RAB6A: variants seen among roughly 807,000 people sequenced by gnomAD.
The protein encoded by RAB6A is ras-related protein Rab-6A.
RAB6A carries 8 observed loss-of-function variants against 32.3 expected under a neutral mutation model. The observed-to-expected ratio is 0.25, with a 90% CI of 0.15 to 0.45. The LOEUF (loss-of-function observed/expected upper bound fraction) is 0.45. Among genes scored for constraint, RAB6A ranks in the 20% least tolerant of loss-of-function variants. RAB6A has a pLI of 1.00. For synonymous variants in RAB6A, 73 were observed against 82.1 expected (o/e 0.89, Z 0.60); for missense variants, 104 against 249.4 (o/e 0.42, Z 3.93).
intron 2 of RAB6A, among the ~76,000 whole-genome samples, chr11:73,724,487 T>G (rs1334214276): frequency 2.0e-5 from 3 of 148,530 alleles, no homozygotes; most frequent in Non-Finnish European, 3.0e-5. Flanking sequence ...GCATTTCGTT[T>G]TTTTTTTTTT....
At position 73,736,609 on chromosome 11, in the gene RAB6A, T is replaced by C. The variant is rs558022132; in HGVS notation, c.71-5786A>G. The stretch of plus-strand genomic sequence containing the variant: ...GAGTTTGAGACCAGCCTGGCCAGCA[T>C]GGTGAAATTCTGTCTGTACTAAAAA... On this transcript the variant is annotated intron_variant, in intron 1 of 7. Coordinates refer to ENST00000336083, the MANE Select transcript of RAB6A (RefSeq NM_198896.2). 5.9e-5 allele frequency among the ~76,000 whole-genome samples: 9 copies of C among 151,524 alleles called. No homozygotes were observed. In the East Asian group the frequency reaches 1.8e-3, roughly 30 times the overall value.
chr11:73,681,035 A>C (rs1945348528), intron 6 of RAB6A, among the ~76,000 whole-genome samples: 1 of 152,176 alleles, frequency 6.6e-6, no homozygotes, highest in Admixed American at 6.5e-5. Flanking sequence ...TGATTATTTC[A>C]ATTATTTATC....
chr11:73,701,180 C>G (rs971302444), intron 6 of RAB6A, among the ~76,000 whole-genome samples: 2 of 152,080 alleles, frequency 1.3e-5, no homozygotes, highest in African/African-American at 4.8e-5. Flanking sequence ...CTACATGGTA[C>G]CTATAGTACT....
chr11:73,684,457 C>A (rs916507208), intron 6 of RAB6A, among the ~76,000 whole-genome samples: 2 of 152,196 alleles, frequency 1.3e-5, no homozygotes, highest in African/African-American at 2.4e-5. Context: ...GCATGAGCCA[C>A]CACGTGTGGC....
intron 1 of RAB6A, among the ~76,000 whole-genome samples, chr11:73,739,820 G>T (rs924741252): frequency 2.6e-5 from 4 of 152,096 alleles, no homozygotes; most frequent in Admixed American, 2.0e-4. Flanking sequence ...ACTTTGGGAG[G>T]CCCGGGCGGG....
rs1945263357 is a variant in RAB6A at position 73,675,828 on chromosome 11, G to A, written c.*2070C>T. 3 of 167,000 alleles carry A rather than the reference G, an allele frequency of 1.8e-5. No individual in the cohort carries two copies. In the South Asian group the frequency reaches 6.2e-4, roughly 35 times the overall value. 10.3% of individuals were successfully genotyped at this position (167,000 alleles called of 1,614,324 possible). ...CATAAAAAGAATCAAATGCAACAGT[G>A]TAGGAAGACAATCACACCCATGTCA... On this transcript the variant is annotated 3_prime_UTR_variant, in exon 8 of 8. Coordinates refer to ENST00000336083, the MANE Select transcript of RAB6A (RefSeq NM_198896.2).
chr11:73,693,291 AAAATAAATAAATAAAT>A (rs3046617), intron 6 of RAB6A, among the ~76,000 whole-genome samples: 1 of 150,918 alleles, frequency 6.6e-6, no homozygotes, highest in African/African-American at 2.4e-5. Flanking sequence ...CCGTCTCCAA[AAAATAAATAAATAAAT>A]AAATAAATAA....
Position 73,709,950 on chromosome 11 carries a change from C to CAT in RAB6A, c.402-2439_402-2438dup, listed in dbSNP as rs71065028. Among the ~76,000 whole-genome samples the CAT allele has an allele frequency of 3.8e-3, 219 of 57,384 alleles. 2 individuals carry two copies. Among genetic ancestry groups the CAT allele is most frequent in the Middle Eastern group, 0.025 (3 of 118 alleles). The allele number at this position is 57,384 out of a possible 152,430, so 37.6% of individuals were successfully genotyped here. ...ATATATATACATACACACACACACA[C>CAT]ATATATATATATTTTTTTTTTTTTT... On this transcript the variant is annotated intron_variant, in intron 5 of 7. Coordinates refer to ENST00000336083, the MANE Select transcript of RAB6A (RefSeq NM_198896.2).
chr11:73,722,931 C>CA lies in RAB6A; in HGVS notation c.130-2033dup, dbSNP rs571178395. On this transcript the variant is annotated intron_variant, in intron 2 of 7. Coordinates refer to ENST00000336083, the MANE Select transcript of RAB6A (RefSeq NM_198896.2). ...AAGCAATTTTAGTGCCTCAGCCTCTCAAGTAGCTGGGATTACAGGCATTCA... is the reference window on the plus strand; with the variant it reads ...AAGCAATTTTAGTGCCTCAGCCTCTCAAAGTAGCTGGGATTACAGGCATTCA... Among the ~76,000 whole-genome samples the CA allele has an allele frequency of 1.9e-3, 286 of 152,178 alleles. 3 individuals are homozygous for CA. The highest frequency in any genetic ancestry group is 6.8e-3 in the African/African-American group (282 of 41,518).
At chr11:73,757,098 C>CATATATATATATAT (rs1170100550) in intron 1 of RAB6A, among the ~76,000 whole-genome samples, 12 of 37,670 alleles carry the variant, frequency 3.2e-4, no homozygotes, top group East Asian at 1.4e-3. Context: ...AATATACATA[C>CATATATATATATAT]ATATATATAT....
At chr11:73,721,834 G>T (rs1946136418) in intron 2 of RAB6A, among the ~76,000 whole-genome samples, 1 of 152,074 alleles carries the variant, frequency 6.6e-6, no homozygotes, top group African/African-American at 2.4e-5. Flanking sequence ...GAGTCACTAA[G>T]AATTTTAAGT....
chr11:73,707,658 ACT>A (rs1190042924), intron 5 of RAB6A, 145 bp from the exon 6 acceptor site: 2 of 571,436 alleles, frequency 3.5e-6, no homozygotes, highest in East Asian at 5.8e-5. Context: ...AATCTGCCAC[ACT>A]CTTGAAATTT....
rs397744539 is a variant in RAB6A, at chr11:73,707,125, GAA to G, written c.495+293_495+294del. Among the ~76,000 whole-genome samples the G allele has an allele frequency of 3.8e-4, 44 of 116,284 alleles. 1 individual carries two copies. Among genetic ancestry groups the G allele is most frequent in the African/African-American group, 1.4e-3 (41 of 28,480 alleles). 76.3% of individuals were successfully genotyped at this position (116,284 alleles called of 152,430 possible). A position where few individuals can be genotyped will look rare whatever the true frequency, so the allele number is the denominator to read the frequency against. ...AAGAGCGAAACTCCATCTCAAAAAA[GAA>G]AAAAAAAAAAAAAAAGAAAAGAAAA... On this transcript the variant is annotated intron_variant, in intron 6 of 7. Coordinates refer to ENST00000336083, the MANE Select transcript of RAB6A (RefSeq NM_198896.2).
intron 1 of RAB6A, among the ~76,000 whole-genome samples, chr11:73,753,019 G>A (rs1469091704): frequency 2.0e-5 from 3 of 152,168 alleles, no homozygotes; most frequent in Non-Finnish European, 4.4e-5. Flanking sequence ...AGGAGCTTGA[G>A]GCGGGAATCA....
chr11:73,681,590 A>G (rs1057430934), intron 6 of RAB6A, among the ~76,000 whole-genome samples: 2 of 152,218 alleles, frequency 1.3e-5, no homozygotes, highest in African/African-American at 4.8e-5. Context: ...AGGAAGGCAG[A>G]TTACGAGGTC....
intron 1 of RAB6A, among the ~76,000 whole-genome samples, chr11:73,734,615 T>C (rs893162594): frequency 6.6e-6 from 1 of 152,244 alleles, no homozygotes; most frequent in African/African-American, 2.4e-5. Flanking sequence ...TCATCAGGCA[T>C]TAGATTCTCA....
intron 1 of RAB6A, among the ~76,000 whole-genome samples, chr11:73,749,110 C>A (rs1946637437): frequency 6.6e-6 from 1 of 151,830 alleles, no homozygotes; most frequent in Non-Finnish European, 1.5e-5. Context: ...CGACAACAGA[C>A]AAAGACTCTA....
At chr11:73,686,045 ACAGG>A (rs746269690) in intron 6 of RAB6A, among the ~76,000 whole-genome samples, 1 of 152,144 alleles carries the variant, frequency 6.6e-6, no homozygotes, top group Non-Finnish European at 1.5e-5. Flanking sequence ...CAAAACACCC[ACAGG>A]CTCAATTCTG....
chr11:73,718,770 T>C (rs1946089358), intron 3 of RAB6A, 52 bp from the exon 4 acceptor site: 1 of 1,613,972 alleles, frequency 6.2e-7, no homozygotes, highest in Non-Finnish European at 8.5e-7. Context: ...GGTCAACCCG[T>C]TGCAATATAC....
Sources: allele counts gnomAD v4.1 joint callset (sites outside exome capture counted in the v4.1 genomes callset), GRCh38; gene constraint gnomAD v4.1.1; transcripts MANE v1.5; gene names NCBI Gene and HGNC (gene_info 2026-07-23, HGNC 2026-07-21).